Variants in SSUH2 observed in about 807,000 individuals in gnomAD.
The protein encoded by SSUH2 is protein SSUH2 homolog.
SSUH2 carries 47 observed loss-of-function variants against 55.3 expected under a neutral mutation model. The observed-to-expected ratio is 0.85, with a 90% CI of 0.67 to 1.08. The LOEUF (loss-of-function observed/expected upper bound fraction) is 1.08, where lower values mean the gene tolerates loss of function less well. SSUH2 is among the 50% of genes least tolerant of loss of function. The pLI is 0.00. For synonymous variants in SSUH2, 212 were observed against 191.5 expected, an observed-to-expected ratio of 1.11 and a Z score of -0.89; for missense variants, 535 against 490.7, an observed-to-expected ratio of 1.09 and a Z score of -0.85.
intron 7 of SSUH2, among the ~76,000 whole-genome samples, chr3:8,652,403 C>T (rs757207254): frequency 1.3e-5 from 2 of 152,200 alleles, no homozygotes; most frequent in Non-Finnish European, 2.9e-5. Flanking sequence ...ACCTTTGTGT[C>T]ACTAATAGCA....
upstream of SSUH2, among the ~76,000 whole-genome samples, chr3:8,646,099 C>G (rs1701646636): frequency 6.6e-6 from 1 of 152,062 alleles, no homozygotes; most frequent in Admixed American, 6.5e-5. Context: ...TGATTTTAAG[C>G]CCTTATAGAA....
intron 11 of SSUH2, 75 bp downstream of exon 11, chr3:8,623,474 G>T: frequency 1.1e-6 from 1 of 926,824 alleles, no homozygotes; most frequent in South Asian, 1.4e-5. Context: ...CTTCCGCTCC[G>T]ACGTTCTCAG....
chr3:8,626,537 G>GCCCCCCCCCCCCCCCCCCC (rs58662232), intron 8 of SSUH2, among the ~76,000 whole-genome samples: 1 of 107,654 alleles, frequency 9.3e-6, no homozygotes. Context: ...TCTAGGGCCT[G>GCCCCCCCCCCCCCCCCCCC]CCCCCCCCCC....
chr3:8,644,626 G>A, intron 1 of SSUH2, 105 bp downstream of exon 1: 1 of 1,006,232 alleles, frequency 9.9e-7, no homozygotes, highest in African/African-American at 1.6e-5. Flanking sequence ...AAAAGACTAT[G>A]GATACATAAC....
chr3:8,681,685 C>T (rs913073522), intron 1 of SSUH2, among the ~76,000 whole-genome samples: 7 of 151,438 alleles, frequency 4.6e-5, no homozygotes, highest in Non-Finnish European at 8.9e-5. Context: ...CCTCTTCCCC[C>T]CGGCTCTTAG....
chr3:8,651,285 C>G (rs964593056), intron 7 of SSUH2, among the ~76,000 whole-genome samples: 2 of 152,184 alleles, frequency 1.3e-5, no homozygotes, highest in South Asian at 2.1e-4. Flanking sequence ...TTGCATCTCT[C>G]GGCTATCTCA....
At chr3:8,650,005 C>G (rs10154930) in intron 7 of SSUH2, among the ~76,000 whole-genome samples, 1,849 of 152,250 alleles carry the variant, frequency 0.012, 40 homozygotes, top group African/African-American at 0.042. Context: ...GCCTCCTCAT[C>G]GTTCCTGGGT....
At chr3:8,635,448 GAAGGA>G in intron 2 of SSUH2, 67 bp from the exon 3 acceptor site, 1 of 1,182,304 alleles carries the variant, frequency 8.5e-7, no homozygotes, top group Non-Finnish European at 1.2e-6. Flanking sequence ...TGTGGTGGAA[GAAGGA>G]AAGACTGATT....
At chr3:8,643,536 C>T (rs376452012) in intron 1 of SSUH2, among the ~76,000 whole-genome samples, 37 of 152,276 alleles carry the variant, frequency 2.4e-4, no homozygotes, top group African/African-American at 8.7e-4. Context: ...TCCAGGCAGT[C>T]TTTCACTTCA....
chr3:8,623,467 CCGCTCCGACGTTCT>C lies in SSUH2; in HGVS notation c.981+68_981+81del, dbSNP rs748298346. 1.2e-4 allele frequency: 105 copies of C among 885,826 alleles called. No individual in the cohort carries two copies. The South Asian group carries it at 1.5e-3, about 13-fold the overall frequency. The allele number at this position is 885,826 out of a possible 1,614,324, so 54.9% of individuals were successfully genotyped here. ...CCCTCACCTCTACGTCCTCATCCTT[CCGCTCCGACGTTCT>C]CAGGAAAGAGGGCTCAGCAGCCCAG... is the stretch of plus-strand genomic sequence containing the variant. On this transcript the variant is annotated intron_variant, in intron 11 of 11. Coordinates refer to ENST00000544814, the MANE Select transcript of SSUH2 (RefSeq NM_001256748.3).
At chr3:8,634,282 C>T (rs543652590) in intron 3 of SSUH2, 6 of 873,184 alleles carry the variant, frequency 6.9e-6, no homozygotes, top group Non-Finnish European at 9.6e-6. Flanking sequence ...CCCATGGAGA[C>T]TCACCCTGAG....
intron 7 of SSUH2, among the ~76,000 whole-genome samples, chr3:8,655,519 G>C (rs1285577149): frequency 6.6e-6 from 1 of 152,092 alleles, no homozygotes; most frequent in Non-Finnish European, 1.5e-5. Flanking sequence ...CCGGGTCTCA[G>C]TGTGTGGCCT....
chr3:8,644,029 T>C (rs992690200), intron 1 of SSUH2, among the ~76,000 whole-genome samples: 1 of 150,966 alleles, frequency 6.6e-6, no homozygotes, highest in African/African-American at 2.4e-5. Flanking sequence ...GCACTGCCTG[T>C]TTCAAATTCG....
Position 8,629,664 on chromosome 3 carries a change from C to CAGTGGTTCACAGATGACTCACT in SSUH2, c.587_588insAGTGAGTCATCTGTGAACCACT (p.Arg198SerfsTer4). ...CACCAGTGGTTCACAGATGACTCAC[C>CAGTGGTTCACAGATGACTCACT]GTGCCCGCCCCGTGGCAGCCGCTGC... On this transcript the variant is annotated stop_gained and frameshift_variant and splice_region_variant, in exon 7 of 12. Transcript: ENST00000544814. LOFTEE classifies it high-confidence loss of function. 4.3e-6 allele frequency: 7 copies of CAGTGGTTCACAGATGACTCACT among 1,613,710 alleles called. No individual in the cohort carries two copies. Among genetic ancestry groups the CAGTGGTTCACAGATGACTCACT allele is most frequent in the Non-Finnish European group, 5.9e-6 (7 of 1,179,714 alleles).
intron 7 of SSUH2, among the ~76,000 whole-genome samples, chr3:8,651,543 C>G (rs1465503568): frequency 1.3e-5 from 2 of 151,988 alleles, no homozygotes; most frequent in African/African-American, 2.4e-5. Context: ...TGGGGCCACA[C>G]AAAAATGGGG....
intron 6 of SSUH2, chr3:8,659,814 G>A (rs1323365473): frequency 2.2e-6 from 1 of 451,372 alleles, no homozygotes; most frequent in Non-Finnish European, 4.5e-6. Context: ...GCAGTCAGAA[G>A]AGAGAGAGAT....
intron 6 of SSUH2, among the ~76,000 whole-genome samples, chr3:8,630,359 C>T (rs9873950): frequency 0.13 from 19,777 of 152,194 alleles, 3,638 homozygotes; most frequent in African/African-American, 0.42. Context: ...CTTCACGCCA[C>T]GAATATATGT....
At chr3:8,622,115 G>A (rs1696575068) in intron 11 of SSUH2, among the ~76,000 whole-genome samples, 1 of 152,122 alleles carries the variant, frequency 6.6e-6, no homozygotes, top group South Asian at 2.1e-4. Flanking sequence ...GCCATGGCTG[G>A]GAGATGGAAT....
At chr3:8,677,258 G>A (rs1370617412) in exon 3 of SSUH2, 2 of 151,778 alleles carry the variant, frequency 1.3e-5, no homozygotes, top group African/African-American at 2.4e-5. Flanking sequence ...AGCTGCCGAA[G>A]GCAGGTACCT....
Sources: gnomAD v4.1 joint callset for allele counts (sites outside exome capture counted in the v4.1 genomes callset) on GRCh38, gnomAD v4.1.1 for gene constraint, MANE v1.5 for transcripts, NCBI Gene and HGNC (gene_info 2026-07-23, HGNC 2026-07-21) for gene names.